The following JADE2 variants were observed in gnomAD, a reference collection of about 807,000 sequenced individuals.
JADE2 encodes E3 ubiquitin-protein ligase Jade-2.
A neutral mutation model predicts 85.7 loss-of-function variants in JADE2; 13 were observed. The ratio of observed to expected loss-of-function variants is 0.15; its 90% CI spans 0.10 to 0.24. The LOEUF is 0.24. Ranked by LOEUF, JADE2 falls within the 10% of genes least tolerant of loss-of-function variation. JADE2 has a pLI of 1.00. For missense variants in JADE2, 846 were observed against 1,115.9 expected (o/e 0.76, Z 3.45); for synonymous variants, 440 against 456.1 (o/e 0.96, Z 0.45).
At chr5:134,564,969 T>C (rs556898498) in intron 8 of JADE2, among the ~76,000 whole-genome samples, 1 of 152,302 alleles carries the variant, frequency 6.6e-6, no homozygotes, top group African/African-American at 2.4e-5. Flanking sequence ...CTCATCTAGC[T>C]AAGCTAATAG....
rs757576522 is a variant in JADE2, at chr5:134,582,225, GAGA to G, written c.*2916_*2918del. 6.6e-5 allele frequency: 10 copies of G among 152,332 alleles called. No homozygotes were observed. Among genetic ancestry groups the G allele is most frequent in the South Asian group, 2.1e-4 (1 of 4,824 alleles). The allele number at this position is 152,332 out of a possible 1,614,324, so 9.4% of individuals were successfully genotyped here. ...ATCATAAATGTATTTTGAAACAAAT[GAGA>G]AGAAGAAAGGTAGAAGGGTTTATTT... On this transcript the variant is annotated 3_prime_UTR_variant, in exon 12 of 12. Transcript: ENST00000681547.
intron 9 of JADE2, among the ~76,000 whole-genome samples, chr5:134,572,479 A>C (rs1434601342): frequency 6.6e-6 from 1 of 152,244 alleles, no homozygotes; most frequent in Non-Finnish European, 1.5e-5. Flanking sequence ...GCCAACAGGC[A>C]GGGGGTCTGG....
chr5:134,572,649 T>C (rs763261514), intron 9 of JADE2, among the ~76,000 whole-genome samples: 4 of 152,180 alleles, frequency 2.6e-5, no homozygotes, highest in Admixed American at 6.5e-5. Context: ...GGAGTCTCCA[T>C]CCTGTGCTGA....
At chr5:134,551,962 A>C in intron 3 of JADE2, 90 bp from the exon 4 acceptor site, 1 of 1,167,520 alleles carries the variant, frequency 8.6e-7, no homozygotes, top group Non-Finnish European at 1.3e-6. Flanking sequence ...TGTCCACTTG[A>C]GTTGCATGTA....
intron 3 of JADE2, among the ~76,000 whole-genome samples, chr5:134,550,820 A>C (rs182486039): frequency 1.0e-3 from 159 of 152,248 alleles, no homozygotes; most frequent in African/African-American, 3.7e-3. Flanking sequence ...TGGCAAGAGC[A>C]ATTTGCCCCA....
At chr5:134,537,132 C>G (rs540680414) in intron 2 of JADE2, among the ~76,000 whole-genome samples, 6 of 152,340 alleles carry the variant, frequency 3.9e-5, no homozygotes, top group Admixed American at 2.0e-4. Flanking sequence ...TCCTCCATTT[C>G]TAACTTTATT....
chr5:134,545,406 T>C (rs1361874441), intron 3 of JADE2, among the ~76,000 whole-genome samples: 1 of 142,958 alleles, frequency 7.0e-6, no homozygotes, highest in African/African-American at 2.5e-5. Flanking sequence ...AGACGTTGAG[T>C]GGGGTTTTTT....
At chr5:134,576,674 G>A (rs996819512) in intron 10 of JADE2, 94 bp from the exon 11 acceptor site, 8 of 1,446,414 alleles carry the variant, frequency 5.5e-6, no homozygotes, top group East Asian at 5.0e-5. Flanking sequence ...ACTGGCTGAT[G>A]GAGGACTCCT....
At position 134,578,744 on chromosome 5, in the gene JADE2, G is replaced by A; in HGVS notation, c.1932G>A (p.Leu644=). ...GGAAGGCCCGAGGCCGCACCCGCCT[G>A]CCTGCCAAGAAGAAACCACCACCAC... ...PARKARGRTR[L]PAKKKPPPPP... The change falls in exon 12 of 12, where the codon CTG becomes CTA. Residue 644 remains leucine, a synonymous_variant. Transcript: ENST00000681547. The surrounding 1 kb of genome is among the most constrained non-coding windows in gnomAD (Gnocchi z 4.4). 6.2e-7 allele frequency: 1 copy of A among 1,613,572 alleles called. No individual in the cohort carries two copies. Among genetic ancestry groups the A allele is most frequent in the South Asian group, 1.1e-5 (1 of 91,082 alleles).
chr5:134,526,104 C>G (rs1219388055), intron 1 of JADE2, 93 bp downstream of exon 1: 6 of 984,892 alleles, frequency 6.1e-6, no homozygotes, highest in Non-Finnish European at 7.2e-6. Flanking sequence ...TTCGCTCCCT[C>G]GCTCTCTCTT....
chr5:134,550,160 G>A (rs1180882668), intron 3 of JADE2, among the ~76,000 whole-genome samples: 1 of 152,194 alleles, frequency 6.6e-6, no homozygotes, highest in Non-Finnish European at 1.5e-5. Context: ...ATTGTAATCT[G>A]GTTTTAATTT....
chr5:134,572,302 G>C (rs1038394464), intron 9 of JADE2, among the ~76,000 whole-genome samples: 5 of 152,258 alleles, frequency 3.3e-5, no homozygotes, highest in Non-Finnish European at 7.3e-5. Context: ...ACACACCAGC[G>C]TGGAAGGCCA....
intron 4 of JADE2, among the ~76,000 whole-genome samples, chr5:134,555,208 A>G (rs1762837213): frequency 6.6e-6 from 1 of 152,118 alleles, no homozygotes. Context: ...ATCTGTCTGA[A>G]CAATGAGCAC....
chr5:134,579,466 T>C lies in JADE2; in HGVS notation c.*149T>C. 1 of 634,782 alleles carries C rather than the reference T, an allele frequency of 1.6e-6. No homozygotes were observed. Among genetic ancestry groups the C allele is most frequent in the South Asian group, 2.0e-5 (1 of 49,314 alleles). The allele number at this position is 634,782 out of a possible 1,614,324, so 39.3% of individuals were successfully genotyped here. ...TTTTATTTTTAATATAGAGAGAGTT[T>C]TGAATTCTACACTGTTGTCTTTCCT... On this transcript the variant is annotated 3_prime_UTR_variant, in exon 12 of 12. Coordinates refer to ENST00000681547, the MANE Select transcript of JADE2 (RefSeq NM_001388185.1). The surrounding 1 kb of genome is among the most constrained non-coding windows in gnomAD (Gnocchi z 4.6).
chr5:134,539,019 CTAA>C (rs1195025125), intron 3 of JADE2, among the ~76,000 whole-genome samples: 1 of 126,206 alleles, frequency 7.9e-6, no homozygotes, highest in Non-Finnish European at 1.7e-5. Flanking sequence ...GCACACCCAG[CTAA>C]TTTTTGTATT....
chr5:134,563,352 T>C (rs1394386152), intron 7 of JADE2, among the ~76,000 whole-genome samples: 2 of 149,336 alleles, frequency 1.3e-5, no homozygotes, highest in African/African-American at 4.9e-5. Flanking sequence ...GTAAGCCTAA[T>C]GGGAAGTTGG....
In JADE2 at chr5:134,578,499, C is replaced by G; in HGVS notation, c.1687C>G (p.Leu563Val). 6.3e-7 allele frequency: 1 copy of G among 1,577,344 alleles called. No individual in the cohort carries two copies. Among genetic ancestry groups the G allele is most frequent in the Non-Finnish European group, 8.6e-7 (1 of 1,156,822 alleles). Residue 563 changes from leucine (L) to valine (V), a missense_variant, in exon 12 of 12, where the codon CTG (leucine) becomes GTG (valine). Leu to Val is a conservative substitution (Grantham distance 32, BLOSUM62 1). Transcript: ENST00000681547. This position sits in a 1 kb window ranked among gnomAD's most constrained non-coding sequence, Gnocchi z 4.4. ...PDSVLGQLAGLSTSFPIDGTF... is the reference protein window; with the variant it reads ...PDSVLGQLAGVSTSFPIDGTF... ...TGCCTCCTCTCTCCCCTCAGCAGGC[C>G]TGTCCACCTCATTCCCCATCGATGG...
intron 3 of JADE2, among the ~76,000 whole-genome samples, chr5:134,546,220 G>A (rs1244170531): frequency 2.0e-5 from 3 of 152,086 alleles, no homozygotes; most frequent in Non-Finnish European, 4.4e-5. Flanking sequence ...CCAGGCTGGA[G>A]TGCAGTGGCA....
chr5:134,525,948 C>T lies in JADE2; in HGVS notation c.-64C>T. On this transcript the variant is annotated 5_prime_UTR_variant, in exon 1 of 12. Transcript: ENST00000681547. ...CCCGGCTTCGGGAGCATCCTTCCCG[C>T]GCCGGTCCCTGCAGCGGCGCGTAGC... 1 of 986,072 alleles carries T rather than the reference C, an allele frequency of 1.0e-6. No individual in the cohort carries two copies. The highest frequency in any genetic ancestry group is 4.7e-5 in the South Asian group (1 of 21,300). The allele number at this position is 986,072 out of a possible 1,614,324, so 61.1% of individuals were successfully genotyped here. A position where few individuals can be genotyped will look rare whatever the true frequency, so the allele number is the denominator to read the frequency against.
Sources: gnomAD v4.1 joint callset for allele counts (sites outside exome capture counted in the v4.1 genomes callset) on GRCh38, gnomAD v4.1.1 for gene constraint, Gnocchi (gnomAD v3.1) non-coding constraint, MANE v1.5 for transcripts, NCBI Gene and HGNC (gene_info 2026-07-23, HGNC 2026-07-21) for gene names.